The following SCRN1 variants were observed in gnomAD, a reference collection of about 807,000 sequenced individuals.
SCRN1 encodes secernin-1.
Under a neutral mutation model 43.3 loss-of-function variants are expected in SCRN1, and 19 were observed. That is an observed-to-expected ratio of 0.44 (90% CI 0.31 to 0.64). SCRN1 has a LOEUF of 0.64. Ranked by LOEUF, SCRN1 falls within the 30% of genes least tolerant of loss-of-function variation. The probability of loss-of-function intolerance (pLI) is 0.09; values close to 1 mark genes in which losing one functional copy is unlikely to be tolerated. For missense variants in SCRN1, 447 were observed against 524.1 expected, an observed-to-expected ratio of 0.85 and a Z score of 1.44; for synonymous variants, 183 against 188.9, an observed-to-expected ratio of 0.97 and a Z score of 0.26.
chr7:29,988,777 G>C (rs903391711), intron 1 of SCRN1: 1 of 152,274 alleles, frequency 6.6e-6, no homozygotes, highest in Non-Finnish European at 1.5e-5. Context: ...TACAAGGTCA[G>C]CTTTGAGTCA....
At chr7:29,936,415 C>T in intron 6 of SCRN1, 141 bp downstream of exon 6, 2 of 636,670 alleles carry the variant, frequency 3.1e-6, no homozygotes, top group South Asian at 3.5e-5. Context: ...TGGTGCTACA[C>T]TGCCCACACT....
chr7:29,938,646 A>G (rs1787424824), intron 5 of SCRN1, among the ~76,000 whole-genome samples: 1 of 152,264 alleles, frequency 6.6e-6, no homozygotes, highest in Non-Finnish European at 1.5e-5. Flanking sequence ...TCTTAAGGAC[A>G]TGCTCCTGCT....
intron 6 of SCRN1, among the ~76,000 whole-genome samples, chr7:29,932,651 C>CAAAAAAAAAAAAAAAAAAAAAA (rs1162835669): frequency 1.2e-4 from 1 of 8,048 alleles, no homozygotes; most frequent in Non-Finnish European, 2.9e-4. Context: ...GATTCCATCT[C>CAAAAAAAAAAAAAAAAAAAAAA]AAAAAAAAAA....
At chr7:29,982,173 A>G (rs560292936) in intron 1 of SCRN1, among the ~76,000 whole-genome samples, 140 of 152,358 alleles carry the variant, frequency 9.2e-4, no homozygotes, top group Admixed American at 1.5e-3. Context: ...TTGGAATTAT[A>G]CTGAATTTAC....
chr7:29,975,086 G>A (rs377711327), intron 1 of SCRN1, among the ~76,000 whole-genome samples: 1 of 151,638 alleles, frequency 6.6e-6, no homozygotes, highest in East Asian at 1.9e-4. Context: ...GTTATGAAAT[G>A]TATATTCTCC....
At chr7:29,967,487 C>T (rs1242994427) in intron 2 of SCRN1, among the ~76,000 whole-genome samples, 1 of 151,562 alleles carries the variant, frequency 6.6e-6, no homozygotes, top group Non-Finnish European at 1.5e-5. Flanking sequence ...CCTCAGCCTC[C>T]AGGGTAGCTG....
chr7:29,962,689 CATAAAATAAA>C (rs201543011), intron 2 of SCRN1, among the ~76,000 whole-genome samples: 6 of 151,244 alleles, frequency 4.0e-5, no homozygotes, highest in Admixed American at 6.6e-5. Context: ...CTGTCTCAAA[CATAAAATAAA>C]ATAAAATAAA....
chr7:29,938,616 A>C (rs1311275886), intron 5 of SCRN1, among the ~76,000 whole-genome samples: 1 of 152,284 alleles, frequency 6.6e-6, no homozygotes, highest in Non-Finnish European at 1.5e-5. Flanking sequence ...AACCACAAAC[A>C]ATAGCATGAG....
intron 5 of SCRN1, among the ~76,000 whole-genome samples, chr7:29,939,061 GTTTT>G (rs554621573): frequency 6.6e-6 from 1 of 151,180 alleles, no homozygotes; most frequent in African/African-American, 2.4e-5. Flanking sequence ...CACCAAGCTA[GTTTT>G]TTTTTAATTA....
At chr7:29,963,078 C>T (rs1788380282) in intron 2 of SCRN1, among the ~76,000 whole-genome samples, 1 of 151,888 alleles carries the variant, frequency 6.6e-6, no homozygotes, top group Admixed American at 6.6e-5. Context: ...TCACAATGTT[C>T]TCCTTAAAGC....
intron 2 of SCRN1, among the ~76,000 whole-genome samples, chr7:29,961,831 C>T (rs1185165697): frequency 2.0e-5 from 3 of 152,142 alleles, no homozygotes; most frequent in Admixed American, 1.3e-4. Flanking sequence ...GGGGGCTGAC[C>T]CCCCCACTGG....
At chr7:29,983,537 G>A (rs1789060046) in intron 1 of SCRN1, among the ~76,000 whole-genome samples, 1 of 152,010 alleles carries the variant, frequency 6.6e-6, no homozygotes, top group African/African-American at 2.4e-5. Flanking sequence ...AAGATTCAGT[G>A]TTATGTAAAA....
intron 1 of SCRN1, among the ~76,000 whole-genome samples, chr7:29,976,925 G>T (rs905133123): frequency 2.6e-5 from 4 of 152,228 alleles, no homozygotes; most frequent in Admixed American, 2.6e-4. Context: ...TGTAGCTGAG[G>T]AGGGAGGAAG....
intron 2 of SCRN1, among the ~76,000 whole-genome samples, chr7:29,956,371 C>T (rs560900156): frequency 6.6e-6 from 1 of 152,200 alleles, no homozygotes; most frequent in African/African-American, 2.4e-5. Context: ...CTATGACACA[C>T]CCTTTGTGTG....
chr7:29,933,220 G>A (rs918949512), intron 6 of SCRN1, among the ~76,000 whole-genome samples: 1 of 152,040 alleles, frequency 6.6e-6, no homozygotes, highest in Non-Finnish European at 1.5e-5. Flanking sequence ...CTGCATGTGG[G>A]GACCTCTCAG....
At chr7:29,954,534 A>G (rs373514404) in intron 3 of SCRN1, among the ~76,000 whole-genome samples, 200 of 152,202 alleles carry the variant, frequency 1.3e-3, no homozygotes, top group African/African-American at 4.7e-3. Flanking sequence ...CCAGGCAACC[A>G]CTAATCTAAC....
At position 29,935,494 on chromosome 7, in the gene SCRN1, C is replaced by CA. The variant is rs560604657; in HGVS notation, c.905+1061dup. ...AATGATGTTCAGCCAATGGAACACC[C>CA]AAAAAAACACCAGAGAACCTACTGG... is the stretch of plus-strand genomic sequence containing the variant. On this transcript the variant is annotated intron_variant, in intron 6 of 7. Transcript: ENST00000242059. 2.5e-3 allele frequency among the ~76,000 whole-genome samples: 382 copies of CA among 152,214 alleles called. 6 individuals carry two copies. Among genetic ancestry groups the CA allele is most frequent in the African/African-American group, 8.8e-3 (367 of 41,530 alleles).
At position 29,943,851 on chromosome 7, in the gene SCRN1, C is replaced by T. The variant is rs779569796; in HGVS notation, c.544+126G>A. ...AAATGAGAGGCATGCCAAAGCATGA[C>T]AGTCCCACACAGAGAGGACCTGCAA... On this transcript the variant is annotated intron_variant, in intron 4 of 7. Coordinates refer to ENST00000242059, the MANE Select transcript of SCRN1 (RefSeq NM_014766.5). 1.2e-5 allele frequency: 10 copies of T among 849,816 alleles called. No individual in the cohort carries two copies. In the African/African-American group the frequency reaches 1.3e-4, roughly 11 times the overall value. 52.6% of individuals were successfully genotyped at this position (849,816 alleles called of 1,614,324 possible). A position where few individuals can be genotyped will look rare whatever the true frequency, so the allele number is the denominator to read the frequency against.
Position 29,920,271 on chromosome 7 carries a change from T to A in SCRN1, c.*3686A>T, listed in dbSNP as rs560006523. On this transcript the variant is annotated 3_prime_UTR_variant, in exon 8 of 8. Coordinates refer to ENST00000242059, the MANE Select transcript of SCRN1 (RefSeq NM_014766.5). ...GGAAACAGAATGATTTTCTTTTTTT[T>A]TTATTATTATTCCCTGCCAATAGCA... is the stretch of plus-strand genomic sequence containing the variant. 1.3e-4 allele frequency: 20 copies of A among 152,576 alleles called. No homozygotes were observed. The highest frequency in any genetic ancestry group is 1.0e-3 in the South Asian group (5 of 4,824). The allele number at this position is 152,576 out of a possible 1,614,324, so 9.5% of individuals were successfully genotyped here.
Sources: allele counts gnomAD v4.1 joint callset (sites outside exome capture counted in the v4.1 genomes callset), GRCh38; gene constraint gnomAD v4.1.1; transcripts MANE v1.5; gene names NCBI Gene and HGNC (gene_info 2026-07-23, HGNC 2026-07-21).